Variants in NEK11 observed in about 807,000 individuals in gnomAD.
The protein encoded by NEK11 is serine/threonine-protein kinase Nek11.
NEK11 carries 72 observed loss-of-function variants against 80.7 expected under a neutral mutation model. The observed-to-expected ratio is 0.89, with a 90% CI of 0.74 to 1.08. The LOEUF is 1.08. NEK11 is among the 50% of genes least tolerant of loss of function. The pLI, the probability that NEK11 is intolerant of heterozygous loss-of-function variation, is 0.00. For missense variants in NEK11, 764 were observed against 763.6 expected, an observed-to-expected ratio of 1.00 and a Z score of -0.01; for synonymous variants, 251 against 260.7, an observed-to-expected ratio of 0.96 and a Z score of 0.36.
At chr3:131,225,718 AG>A (rs1271539680) in intron 14 of NEK11, among the ~76,000 whole-genome samples, 3 of 152,150 alleles carry the variant, frequency 2.0e-5, no homozygotes, top group African/African-American at 7.2e-5. Context: ...CTCTCTAGCT[AG>A]GTTGGGGTGT....
intron 16 of NEK11, among the ~76,000 whole-genome samples, chr3:131,270,794 G>T (rs1330536781): frequency 6.6e-6 from 1 of 152,132 alleles, no homozygotes. Flanking sequence ...AAAATAAACT[G>T]CAGCTCTCCT....
At chr3:131,107,276 A>G (rs926123080) in intron 4 of NEK11, among the ~76,000 whole-genome samples, 22 of 152,174 alleles carry the variant, frequency 1.4e-4, no homozygotes, top group African/African-American at 5.1e-4. Flanking sequence ...ACATGGAGAA[A>G]ATTGTGCTTA....
intron 5 of NEK11, among the ~76,000 whole-genome samples, chr3:131,113,470 T>C (rs1186008601): frequency 6.6e-6 from 1 of 151,360 alleles, no homozygotes; most frequent in Non-Finnish European, 1.5e-5. Context: ...GTGGGAAGAG[T>C]GAGAAGGAGA....
chr3:131,053,175 T>C (rs954876292), intron 3 of NEK11: 1 of 152,192 alleles, frequency 6.6e-6, no homozygotes, highest in African/African-American at 2.4e-5. Context: ...AGAATAAAAG[T>C]CATTATTTAA....
At chr3:131,209,274 A>G (rs1173971239) in intron 14 of NEK11, among the ~76,000 whole-genome samples, 1 of 152,154 alleles carries the variant, frequency 6.6e-6, no homozygotes. Flanking sequence ...ATGATGGATT[A>G]TGTTTATTGA....
At chr3:131,205,405 G>C (rs1011137226) in intron 14 of NEK11, among the ~76,000 whole-genome samples, 1 of 152,144 alleles carries the variant, frequency 6.6e-6, no homozygotes, top group Non-Finnish European at 1.5e-5. Flanking sequence ...GGTAGAGCTG[G>C]AGAAAGCAGA....
intron 16 of NEK11, among the ~76,000 whole-genome samples, chr3:131,267,240 G>A (rs2096076120): frequency 6.6e-6 from 1 of 152,172 alleles, no homozygotes; most frequent in South Asian, 2.1e-4. Flanking sequence ...TATGATGCTA[G>A]CTCTTTATTT....
At chr3:131,301,429 A>C (rs976094020) in intron 17 of NEK11, among the ~76,000 whole-genome samples, 13 of 150,980 alleles carry the variant, frequency 8.6e-5, no homozygotes, top group Non-Finnish European at 1.9e-4. Context: ...AAATGGTGAG[A>C]ATGGGCATCC....
At chr3:131,210,398 T>C (rs927221014) in intron 14 of NEK11, among the ~76,000 whole-genome samples, 2 of 152,202 alleles carry the variant, frequency 1.3e-5, no homozygotes, top group Admixed American at 1.3e-4. Flanking sequence ...TCCAACTATG[T>C]GGTCAATTTT....
intron 14 of NEK11, among the ~76,000 whole-genome samples, chr3:131,182,302 G>T (rs2093400831): frequency 6.6e-6 from 1 of 152,150 alleles, no homozygotes; most frequent in South Asian, 2.1e-4. Context: ...CCACTAAAAA[G>T]ATCCAAAATG....
At chr3:131,152,277 G>T in intron 7 of NEK11, 111 bp from the exon 8 acceptor site, 2 of 822,270 alleles carry the variant, frequency 2.4e-6, no homozygotes, top group Non-Finnish European at 3.8e-6. Context: ...ACTACTGATT[G>T]TATGTTTGTG....
At chr3:131,129,057 T>TC (rs1312351512) in intron 5 of NEK11, among the ~76,000 whole-genome samples, 1 of 145,930 alleles carries the variant, frequency 6.9e-6, no homozygotes, top group Non-Finnish European at 1.5e-5. Flanking sequence ...ACAGTCTTTT[T>TC]TTTTTTTTTT....
chr3:131,055,427 G>A (rs1043718957), intron 3 of NEK11, among the ~76,000 whole-genome samples: 35 of 151,978 alleles, frequency 2.3e-4, no homozygotes, highest in African/African-American at 8.5e-4. Flanking sequence ...ACTAAAATGT[G>A]ATTAAAGGCT....
At chr3:131,296,589 T>A (rs947952442) in intron 17 of NEK11, among the ~76,000 whole-genome samples, 2 of 152,162 alleles carry the variant, frequency 1.3e-5, no homozygotes, top group African/African-American at 4.8e-5. Context: ...AATTCTAGGT[T>A]GGTGGGATTT....
chr3:131,332,634 T>TGA (rs2097110376), intron 17 of NEK11, among the ~76,000 whole-genome samples: 1 of 152,176 alleles, frequency 6.6e-6, no homozygotes, highest in Admixed American at 6.5e-5. Context: ...TTTGACGAGC[T>TGA]GAGAGAAGAA....
At chr3:131,065,628 C>T (rs918318252) in intron 3 of NEK11, among the ~76,000 whole-genome samples, 11 of 152,088 alleles carry the variant, frequency 7.2e-5, no homozygotes, top group African/African-American at 2.7e-4. Flanking sequence ...ACATACTTTC[C>T]CCAGAGTTTT....
intron 4 of NEK11, among the ~76,000 whole-genome samples, chr3:131,104,786 C>T (rs1400134753): frequency 2.0e-5 from 3 of 152,180 alleles, no homozygotes; most frequent in East Asian, 1.9e-4. Context: ...TAGCTCTGCA[C>T]AGACTCCACA....
At chr3:131,246,348 G>A (rs1211415107) in intron 16 of NEK11, among the ~76,000 whole-genome samples, 1 of 151,388 alleles carries the variant, frequency 6.6e-6, no homozygotes, top group Non-Finnish European at 1.5e-5. Context: ...TGAGAATATA[G>A]GATGTTTGGT....
At position 131,349,834 on chromosome 3, in the gene NEK11, A is replaced by C; in HGVS notation, c.*58A>C. 7.5e-7 allele frequency: 1 copy of C among 1,325,908 alleles called. No homozygotes were observed. The highest frequency in any genetic ancestry group is 1.1e-6 in the Non-Finnish European group (1 of 925,374). The allele number at this position is 1,325,908 out of a possible 1,614,324, so 82.1% of individuals were successfully genotyped here. A position where few individuals can be genotyped will look rare whatever the true frequency, so the allele number is the denominator to read the frequency against. On this transcript the variant is annotated 3_prime_UTR_variant, in exon 18 of 18. Coordinates refer to ENST00000383366, the MANE Select transcript of NEK11 (RefSeq NM_024800.5). Reference sequence around the variant, plus strand: ...GACAAATTTATGTGAAAATTCATTTAACATATAAGCTGAACTCTATTATGG... The same window carrying C: ...GACAAATTTATGTGAAAATTCATTTCACATATAAGCTGAACTCTATTATGG...
Sources: gnomAD v4.1 joint callset for allele counts (sites outside exome capture counted in the v4.1 genomes callset) on GRCh38, gnomAD v4.1.1 for gene constraint, MANE v1.5 for transcripts, NCBI Gene and HGNC (gene_info 2026-07-23, HGNC 2026-07-21) for gene names.